Variants in ESRRG observed in about 807,000 individuals in gnomAD.
ESRRG encodes the protein estrogen related receptor gamma.
ESRRG carries 13 observed loss-of-function variants against 44.0 expected under a neutral mutation model. The observed-to-expected ratio is 0.30, with a 90% CI of 0.19 to 0.47. ESRRG has a LOEUF of 0.47. Among genes scored for constraint, ESRRG ranks in the 20% least tolerant of loss-of-function variants. ESRRG has a pLI of 1.00. For missense variants in ESRRG, 395 were observed against 580.6 expected, an observed-to-expected ratio of 0.68 and a Z score of 3.29; for synonymous variants, 215 against 214.6, an observed-to-expected ratio of 1.00 and a Z score of -0.02.
intron 1 of ESRRG, among the ~76,000 whole-genome samples, chr1:216,992,802 C>T (rs2150537837): frequency 6.6e-6 from 1 of 152,210 alleles, no homozygotes; most frequent in East Asian, 1.9e-4. Context: ...AATATGATGA[C>T]AGTGATTATA....
At chr1:216,540,146 C>G (rs1305785505) in intron 5 of ESRRG, among the ~76,000 whole-genome samples, 1 of 151,818 alleles carries the variant, frequency 6.6e-6, no homozygotes, top group Non-Finnish European at 1.5e-5. Context: ...GCCTTGTGAG[C>G]CTTCTCTCTT....
chr1:216,913,186 T>G lies in ESRRG; in HGVS notation c.-14+26396A>C, dbSNP rs186715532. Reference sequence around the variant, plus strand: ...TTGAAAAAAATTGAATAGTTGCATCTCTACTCAACATGTGCAGACTTTTTT... The same window carrying G: ...TTGAAAAAAATTGAATAGTTGCATCGCTACTCAACATGTGCAGACTTTTTT... On this transcript the variant is annotated intron_variant, in intron 2 of 7. Coordinates refer to the ESRRG transcript ENST00000359162. 2.6e-5 allele frequency among the ~76,000 whole-genome samples: 4 copies of G among 151,592 alleles called. No individual in the cohort carries two copies. In the East Asian group the frequency reaches 5.8e-4, roughly 22 times the overall value.
At chr1:216,779,386 A>G (rs1314601445) in intron 2 of ESRRG, among the ~76,000 whole-genome samples, 2 of 84,120 alleles carry the variant, frequency 2.4e-5, no homozygotes, top group Non-Finnish European at 4.2e-5. Context: ...ATGTATTTAT[A>G]TTTAAATAAC....
intron 2 of ESRRG, among the ~76,000 whole-genome samples, chr1:216,811,036 A>C (rs2094953341): frequency 6.6e-6 from 1 of 152,002 alleles, no homozygotes; most frequent in South Asian, 2.1e-4. Context: ...AGAGGCAAAA[A>C]TAAATTTCAG....
At chr1:217,004,357 T>G (rs1300090962) in intron 1 of ESRRG, among the ~76,000 whole-genome samples, 1 of 152,160 alleles carries the variant, frequency 6.6e-6, no homozygotes, top group Non-Finnish European at 1.5e-5. Context: ...CCCAAAACTG[T>G]TCTAGTGGTA....
intron 1 of ESRRG, among the ~76,000 whole-genome samples, chr1:216,996,897 C>G (rs891412204): frequency 1.3e-5 from 2 of 151,882 alleles, no homozygotes; most frequent in African/African-American, 4.8e-5. Flanking sequence ...ATATCTTTTG[C>G]AAGTTGGAAA....
intron 1 of ESRRG, among the ~76,000 whole-genome samples, chr1:217,136,030 T>C (rs2093044774): frequency 6.6e-6 from 1 of 151,792 alleles, no homozygotes; most frequent in Non-Finnish European, 1.5e-5. Flanking sequence ...ACAGTAGTGG[T>C]GTTAATTTTT....
chr1:216,763,540 A>G (rs895898783), intron 2 of ESRRG, among the ~76,000 whole-genome samples: 1 of 152,134 alleles, frequency 6.6e-6, no homozygotes, highest in Non-Finnish European at 1.5e-5. Flanking sequence ...AAATTATCAA[A>G]GAGAAAACTG....
intron 2 of ESRRG, among the ~76,000 whole-genome samples, chr1:216,753,934 A>G (rs1458219755): frequency 6.6e-6 from 1 of 152,004 alleles, no homozygotes; most frequent in African/African-American, 2.4e-5. Flanking sequence ...CATGCAACAT[A>G]AAGTTGGACT....
intron 5 of ESRRG, among the ~76,000 whole-genome samples, chr1:216,534,686 C>T (rs1426358467): frequency 2.6e-5 from 4 of 152,244 alleles, no homozygotes; most frequent in Middle Eastern, 3.4e-3. Flanking sequence ...TGACATATCT[C>T]TTTTGGTGAA....
intron 2 of ESRRG, among the ~76,000 whole-genome samples, chr1:216,897,484 A>G (rs182552753): frequency 6.6e-6 from 1 of 152,284 alleles, no homozygotes; most frequent in Admixed American, 6.5e-5. Flanking sequence ...TTAAAAGCAC[A>G]CATATTTTTT....
intron 1 of ESRRG, among the ~76,000 whole-genome samples, chr1:217,013,219 A>T (rs1397672838): frequency 6.6e-6 from 1 of 152,224 alleles, no homozygotes; most frequent in Non-Finnish European, 1.5e-5. Context: ...AATTCAACCC[A>T]TAACAAAACT....
chr1:217,018,020 T>C (rs2079689636), intron 1 of ESRRG, among the ~76,000 whole-genome samples: 1 of 152,184 alleles, frequency 6.6e-6, no homozygotes, highest in Non-Finnish European at 1.5e-5. Context: ...ATAAAACGAA[T>C]TTAAAAATAA....
intron 6 of ESRRG, among the ~76,000 whole-genome samples, chr1:216,510,828 C>G (rs374904697): frequency 6.6e-5 from 10 of 152,004 alleles, no homozygotes; most frequent in Non-Finnish European, 1.3e-4. Flanking sequence ...GAGCTGAGAT[C>G]GCGCCACTGC....
intron 1 of ESRRG, among the ~76,000 whole-genome samples, chr1:217,074,709 G>A (rs2091061899): frequency 6.6e-6 from 1 of 152,012 alleles, no homozygotes; most frequent in African/African-American, 2.4e-5. Flanking sequence ...GGAGTTTAAG[G>A]CAGCAATAAG....
At chr1:217,025,326 T>C (rs2081014672) in intron 1 of ESRRG, among the ~76,000 whole-genome samples, 1 of 151,516 alleles carries the variant, frequency 6.6e-6, no homozygotes, top group Non-Finnish European at 1.5e-5. Context: ...TTTCAAATAG[T>C]TGTAGCCAAA....
At chr1:216,738,312 C>T (rs1353215556) in intron 2 of ESRRG, among the ~76,000 whole-genome samples, 1 of 152,060 alleles carries the variant, frequency 6.6e-6, no homozygotes, top group Non-Finnish European at 1.5e-5. Context: ...TGCTGAGAAA[C>T]CAAATTTCCA....
chr1:217,056,734 C>T (rs575207855), intron 1 of ESRRG, among the ~76,000 whole-genome samples: 1 of 150,682 alleles, frequency 6.6e-6, no homozygotes, highest in African/African-American at 2.4e-5. Context: ...ATAACAAAAC[C>T]CCAAATCCCT....
chr1:216,832,384 G>A lies in ESRRG; in HGVS notation c.-14+107198C>T, dbSNP rs921822465. 4.6e-5 allele frequency among the ~76,000 whole-genome samples: 7 copies of A among 152,110 alleles called. No homozygotes were observed. In the East Asian group the frequency reaches 5.8e-4, roughly 13 times the overall value. Reference sequence around the variant, plus strand: ...CTGTTAGTCTTGGCCAGGTTTCTCCGGTAGGTGGAGAACACTAGCACTATT... The same window carrying A: ...CTGTTAGTCTTGGCCAGGTTTCTCCAGTAGGTGGAGAACACTAGCACTATT... On this transcript the variant is annotated intron_variant, in intron 2 of 7. Coordinates refer to the ESRRG transcript ENST00000359162.
Sources: gnomAD v4.1 joint callset for allele counts (sites outside exome capture counted in the v4.1 genomes callset) on GRCh38, gnomAD v4.1.1 for gene constraint, MANE v1.5 for transcripts, NCBI Gene and HGNC (gene_info 2026-07-23, HGNC 2026-07-21) for gene names.